TBCD: variants seen among roughly 807,000 people sequenced by gnomAD.
The protein encoded by TBCD is tubulin folding cofactor D.
A neutral mutation model predicts 169.3 loss-of-function variants in TBCD; 105 were observed. That is an observed-to-expected ratio of 0.62 (90% CI 0.53 to 0.73). The LOEUF is 0.73. TBCD is among the 30% of genes least tolerant of loss of function. The pLI is 0.00. For synonymous variants in TBCD, 700 were observed against 643.9 expected, an observed-to-expected ratio of 1.09 and a Z score of -1.32; for missense variants, 1,444 against 1,600.1, an observed-to-expected ratio of 0.90 and a Z score of 1.66.
At chr17:82,773,879 A>G (rs2144133003) in intron 6 of TBCD, among the ~76,000 whole-genome samples, 1 of 151,436 alleles carries the variant, frequency 6.6e-6, no homozygotes, top group East Asian at 1.9e-4. Flanking sequence ...GGTGCCCGCC[A>G]CCATGCTCAG....
chr17:82,804,803 G>A (rs1356492262), intron 9 of TBCD, among the ~76,000 whole-genome samples: 3 of 152,226 alleles, frequency 2.0e-5, no homozygotes, highest in African/African-American at 4.8e-5. Context: ...TGAGAGGAAC[G>A]CTAGGCGGTG....
chr17:82,812,328 C>T lies in TBCD; in HGVS notation c.1224-2512C>T, dbSNP rs376888279. 1.0e-3 allele frequency among the ~76,000 whole-genome samples: 153 copies of T among 152,314 alleles called. 1 individual carries two copies. The highest frequency in any genetic ancestry group is 2.7e-3 in the African/African-American group (113 of 41,560). ...TACGCTGTGCCTCCCCCTCGCCCGCCGCCCCGTGTCAGCAGGAGCCTCACC... is the reference window on the plus strand; with the variant it reads ...TACGCTGTGCCTCCCCCTCGCCCGCTGCCCCGTGTCAGCAGGAGCCTCACC... On this transcript the variant is annotated intron_variant, in intron 12 of 38. Coordinates refer to ENST00000355528, the MANE Select transcript of TBCD (RefSeq NM_005993.5).
chr17:82,766,041 C>T (rs1000504279), intron 3 of TBCD, among the ~76,000 whole-genome samples: 20 of 152,160 alleles, frequency 1.3e-4, no homozygotes, highest in African/African-American at 2.4e-4. Context: ...TCTTTTGCCT[C>T]GGCCTCCCAA....
At chr17:82,767,090 G>T (rs1445522854) in intron 4 of TBCD, among the ~76,000 whole-genome samples, 4 of 152,248 alleles carry the variant, frequency 2.6e-5, no homozygotes, top group African/African-American at 9.6e-5. Flanking sequence ...GCAGGGCTTG[G>T]TGGGAACCCT....
chr17:82,941,570 G>A, intron 38 of TBCD, 87 bp downstream of exon 38: 1 of 1,225,934 alleles, frequency 8.2e-7, no homozygotes, highest in South Asian at 1.4e-5. Flanking sequence ...CTTAGCTTCT[G>A]CCAGCACGTC....
In TBCD at chr17:82,939,476, GGT is replaced by G; in HGVS notation, c.3479+2_3479+3del. 2 of 1,611,698 alleles carry G rather than the reference GGT, an allele frequency of 1.2e-6. No homozygotes were observed. The highest frequency in any genetic ancestry group is 1.7e-6 in the Non-Finnish European group (2 of 1,178,810). On this transcript the variant is annotated splice_donor_variant, in intron 37 of 38. Coordinates refer to ENST00000355528, the MANE Select transcript of TBCD (RefSeq NM_005993.5). LOFTEE classifies it high-confidence loss of function. ...GTGACTGTGCTCAGTGACACTGCGT[GGT>G]GAGTGAAGGCCCTTCCTGCACGGCC...
chr17:82,766,508 CTTTT>C (rs1165164178), intron 4 of TBCD, 140 bp downstream of exon 4: 13 of 552,706 alleles, frequency 2.4e-5, no homozygotes, highest in Non-Finnish European at 4.1e-5. Flanking sequence ...TCTTTTCTTT[CTTTT>C]CTTTTCACTT....
intron 11 of TBCD, among the ~76,000 whole-genome samples, chr17:82,808,278 TG>T (rs1306462381): frequency 6.6e-6 from 1 of 151,614 alleles, no homozygotes; most frequent in Admixed American, 6.6e-5. Context: ...GCCCCTGCTG[TG>T]GAGGAGAGGA....
In TBCD at chr17:82,782,181, G is replaced by T. The variant is rs2048990220; in HGVS notation, c.771+460G>T. ...CTCTGCCTGCAGGTGCCTGGTTAGT[G>T]CCCTGGCTGCAGCCCTTTGCCAGCC... On this transcript the variant is annotated intron_variant, in intron 7 of 38. Transcript: ENST00000355528. This position sits in a 1 kb window ranked among gnomAD's most constrained non-coding sequence, Gnocchi z 5.1. Among the ~76,000 whole-genome samples, 1 of 152,218 alleles carries T rather than the reference G, an allele frequency of 6.6e-6. No homozygotes were observed. The highest frequency in any genetic ancestry group is 1.9e-4 in the East Asian group (1 of 5,202).
chr17:82,939,161 G>C (rs903855993), intron 36 of TBCD: 1 of 607,018 alleles, frequency 1.6e-6, no homozygotes, highest in Non-Finnish European at 2.9e-6. Flanking sequence ...AGCTAGCTGT[G>C]TGTCTGTGGA....
At chr17:82,853,050 C>G (rs372204720) in intron 13 of TBCD, among the ~76,000 whole-genome samples, 3 of 152,136 alleles carry the variant, frequency 2.0e-5, no homozygotes, top group African/African-American at 7.2e-5. Context: ...GTGAATGTGG[C>G]TACTCAGCTT....
At chr17:82,906,154 A>G (rs911174915) in intron 20 of TBCD, 101 bp downstream of exon 20, 6 of 923,228 alleles carry the variant, frequency 6.5e-6, no homozygotes, top group Non-Finnish European at 9.9e-6. Flanking sequence ...ATCCCTTCTC[A>G]TTTTTGTTTA....
chr17:82,786,200 G>A (rs2049307337), intron 7 of TBCD, among the ~76,000 whole-genome samples: 1 of 152,040 alleles, frequency 6.6e-6, no homozygotes, highest in South Asian at 2.1e-4. Flanking sequence ...ATCTGAGGTG[G>A]CTTCGAGGGC....
intron 13 of TBCD, among the ~76,000 whole-genome samples, chr17:82,855,145 C>T (rs1182386783): frequency 2.0e-5 from 3 of 151,780 alleles, no homozygotes; most frequent in Admixed American, 6.6e-5. Flanking sequence ...ACTTTGGCCC[C>T]CACCACCCCT....
chr17:82,907,993 T>A (rs2060366463), intron 21 of TBCD, among the ~76,000 whole-genome samples, 172 bp downstream of exon 21: 1 of 152,220 alleles, frequency 6.6e-6, no homozygotes, highest in Admixed American at 6.5e-5. Flanking sequence ...GGCTCTCTGC[T>A]GGCGTCATGC....
rs1490472016 is a variant in TBCD at position 82,911,729 on chromosome 17, C to A, written c.2007-29C>A. 7.4e-6 allele frequency: 12 copies of A among 1,612,446 alleles called. No homozygotes were observed. The East Asian group carries it at 2.5e-4, about 33-fold the overall frequency. On this transcript the variant is annotated intron_variant, in intron 22 of 38. Transcript: ENST00000355528. ...GTGTTTTATACGTCAAGAGGTTCTT[C>A]TAATTCTGATGTTTTCATTCCTTTT... is the stretch of plus-strand genomic sequence containing the variant.
intron 33 of TBCD, among the ~76,000 whole-genome samples, chr17:82,931,111 C>G (rs2062164941): frequency 6.6e-6 from 1 of 152,150 alleles, no homozygotes; most frequent in Non-Finnish European, 1.5e-5. Flanking sequence ...GAGTATAGAC[C>G]CTGTGGGCCT....
rs1480572519 is a variant in TBCD at position 82,850,125 on chromosome 17, GTGT to G, written c.1319-20090_1319-20088del. Reference sequence around the variant, plus strand: ...GCTGTTGGCTGTGCTGCTGTTGGCTGTGTTGTTGTTGGCTGTGCTGTTGTTGGC... The same window carrying G: ...GCTGTTGGCTGTGCTGCTGTTGGCTGTGTTGTTGGCTGTGCTGTTGTTGGC... On this transcript the variant is annotated intron_variant, in intron 13 of 38. Coordinates refer to ENST00000355528, the MANE Select transcript of TBCD (RefSeq NM_005993.5). Among the ~76,000 whole-genome samples, 28 of 88,884 alleles carry G rather than the reference GTGT, an allele frequency of 3.2e-4. 7 individuals carry two copies. The highest frequency in any genetic ancestry group is 1.3e-3 in the African/African-American group (24 of 18,740). The allele number at this position is 88,884 out of a possible 152,430, so 58.3% of individuals were successfully genotyped here. A position where few individuals can be genotyped will look rare whatever the true frequency, so the allele number is the denominator to read the frequency against.
At chr17:82,820,558 T>A (rs2052331379) in intron 13 of TBCD, among the ~76,000 whole-genome samples, 1 of 152,192 alleles carries the variant, frequency 6.6e-6, no homozygotes, top group Non-Finnish European at 1.5e-5. Context: ...GTATTTTTGC[T>A]GCCCCTCTCC....
Sources: allele counts gnomAD v4.1 joint callset (sites outside exome capture counted in the v4.1 genomes callset), GRCh38; gene constraint gnomAD v4.1.1; non-coding constraint Gnocchi (gnomAD v3.1); transcripts MANE v1.5; gene names NCBI Gene and HGNC (gene_info 2026-07-23, HGNC 2026-07-21).